The following TMEM106A variants were observed in gnomAD, a reference collection of about 807,000 sequenced individuals.
TMEM106A encodes transmembrane protein 106A.
Under a neutral mutation model 25.1 loss-of-function variants are expected in TMEM106A, and 22 were observed. That is an observed-to-expected ratio of 0.88 (90% CI 0.63 to 1.25). The LOEUF (loss-of-function observed/expected upper bound fraction) is 1.25. Ranked by LOEUF, TMEM106A falls within the 50% of genes most tolerant of loss-of-function variation. TMEM106A has a pLI of 0.00. For missense variants in TMEM106A, 275 were observed against 318.1 expected, an observed-to-expected ratio of 0.86 and a Z score of 1.03; for synonymous variants, 104 against 129.9, an observed-to-expected ratio of 0.80 and a Z score of 1.35.
In TMEM106A at chr17:43,217,294, A is replaced by G. The variant is rs774989880; in HGVS notation, c.650A>G (p.His217Arg). ...ACCTGGCTGGAAATCAAAGTCCACC[A>G]TGTGCTTTTGCACATCCAGTAAGTA... Reference protein sequence around the residue: ...ICTWLEIKVHHVLLHIQGTLT... With the variant: ...ICTWLEIKVHRVLLHIQGTLT... Residue 217 changes from histidine to arginine, a missense_variant, in exon 8 of 9, where the codon CAT becomes CGT. Transcript: ENST00000612339. The G allele has an allele frequency of 1.2e-5, 19 of 1,614,102 alleles. No homozygotes were observed. The highest frequency in any genetic ancestry group is 2.2e-5 in the East Asian group (1 of 44,890).
At position 43,218,597 on chromosome 17, in the gene TMEM106A, G is replaced by A. The variant is rs2057508371; in HGVS notation, c.*796G>A. 2 of 152,218 alleles carry A rather than the reference G, an allele frequency of 1.3e-5. 1 individual carries two copies. The highest frequency in any genetic ancestry group is 4.1e-4 in the South Asian group (2 of 4,834). The allele number at this position is 152,218 out of a possible 1,614,324, so 9.4% of individuals were successfully genotyped here. ...AATCACTTGAAACCGGAAGGCAGAG[G>A]TTGCAGTGAGCCAAGATCGTGCAAC... On this transcript the variant is annotated 3_prime_UTR_variant, in exon 9 of 9. Transcript: ENST00000612339.
rs745569366 is a variant in TMEM106A, at chr17:43,215,867, G to A, written c.355G>A (p.Val119Ile). The part of the protein sequence containing the change: ...FIVFFLFPRS[V>I]IVQPAGLNSS... ...CGTCTTTTTCCTGTTTCCCCGGTCC[G>A]TCATTGTGCAGCCTGCAGGCCTCAA... The change falls in exon 5 of 9, where the codon GTC becomes ATC. Residue 119 changes from valine to isoleucine, a missense_variant. Coordinates refer to ENST00000612339, the MANE Select transcript of TMEM106A (RefSeq NM_145041.4). 39 of 1,613,876 alleles carry A rather than the reference G, an allele frequency of 2.4e-5. No homozygotes were observed. The highest frequency in any genetic ancestry group is 9.9e-5 in the South Asian group (9 of 91,074).
intron 5 of TMEM106A, 46 bp from the exon 6 acceptor site, chr17:43,216,403 A>G (rs201122046): frequency 5.7e-4 from 915 of 1,602,020 alleles, no homozygotes; most frequent in Non-Finnish European, 7.4e-4. Context: ...GCTTTTCCTA[A>G]GGATGGGCCA....
rs748555827 is a variant in TMEM106A at position 43,216,406 on chromosome 17, A to T, written c.430-43A>T. On this transcript the variant is annotated intron_variant, in intron 5 of 8. Coordinates refer to ENST00000612339, the MANE Select transcript of TMEM106A (RefSeq NM_145041.4). ...TGCAACTGTTTGGCTTTTCCTAAGGATGGGCCATCTTCACTCCTCCCTTCC... is the reference window on the plus strand; with the variant it reads ...TGCAACTGTTTGGCTTTTCCTAAGGTTGGGCCATCTTCACTCCTCCCTTCC... 6 of 1,604,712 alleles carry T rather than the reference A, an allele frequency of 3.7e-6. No individual in the cohort carries two copies. In the South Asian group the frequency reaches 6.6e-5, roughly 18 times the overall value.
chr17:43,216,894 TC>T, intron 7 of TMEM106A, 154 bp downstream of exon 7: 1 of 952,494 alleles, frequency 1.0e-6, no homozygotes, highest in Non-Finnish European at 1.6e-6. Context: ...GGGTTCAGGG[TC>T]CCCAGCCTCT....
rs34209148 is a variant in TMEM106A, at chr17:43,217,379, C to T, written c.668+67C>T. 2.0e-3 allele frequency: 3,052 copies of T among 1,562,514 alleles called. 53 individuals are homozygous for T. In the African/African-American group the frequency reaches 0.036, roughly 18 times the overall value. ...TGACTTCATTCTCACTCAGCTACAC[C>T]TCATGGGCAGAGAGTCTTCCAAGCT... On this transcript the variant is annotated intron_variant, in intron 8 of 8. Transcript: ENST00000612339.
In TMEM106A at chr17:43,217,699, A is replaced by G. The variant is rs1197405528; in HGVS notation, c.687A>G (p.Ser229=). The change falls in exon 9 of 9, where the codon TCA becomes TCG. Residue 229 remains serine, a synonymous_variant. Transcript: ENST00000612339. ...LLHIQGTLTC[S]YLSHSEQLVF... The stretch of plus-strand genomic sequence containing the variant: ...TCTCCAGGGGCACCCTGACCTGTTC[A>G]TACCTGAGCCATTCAGAGCAGCTGG... 1 of 1,614,008 alleles carries G rather than the reference A, an allele frequency of 6.2e-7. No individual in the cohort carries two copies. Among genetic ancestry groups the G allele is most frequent in the Non-Finnish European group, 8.5e-7 (1 of 1,180,024 alleles).
At chr17:43,215,992 G>A in intron 5 of TMEM106A, 51 bp downstream of exon 5, 2 of 1,609,056 alleles carry the variant, frequency 1.2e-6, no homozygotes, top group Non-Finnish European at 8.5e-7. Context: ...ATACTTCGCT[G>A]TAACCTTTGT....
intron 2 of TMEM106A, among the ~76,000 whole-genome samples, chr17:43,212,651 T>C (rs954928433): frequency 3.0e-4 from 45 of 152,162 alleles, no homozygotes; most frequent in African/African-American, 1.0e-3. Flanking sequence ...ATTCAAAGAA[T>C]CTCTTTTCTG....
In TMEM106A at chr17:43,217,685, AC is replaced by A; in HGVS notation, c.676del (p.Leu226Ter). On this transcript the variant is annotated frameshift_variant, in exon 9 of 9. Transcript: ENST00000612339. LOFTEE classifies it high-confidence loss of function. ...CAAGGCCTGCTTCCTCTCCAGGGGC[AC>A]CCTGACCTGTTCATACCTGAGCCAT... ...VHHVLLHIQG[T>X]LTCSYLSHSE... is the part of the protein sequence containing the mutation. 6.2e-7 allele frequency: 1 copy of A among 1,614,026 alleles called. No homozygotes were observed. The highest frequency in any genetic ancestry group is 8.5e-7 in the Non-Finnish European group (1 of 1,179,990).
Position 43,215,862 on chromosome 17 carries a change from G to C in TMEM106A, c.350G>C (p.Arg117Pro), listed in dbSNP as rs751089393. The change falls in exon 5 of 9, where the codon CGG (arginine) becomes CCG (proline). Residue 117 changes from arginine (R) to proline (P), a missense_variant. Coordinates refer to ENST00000612339, the MANE Select transcript of TMEM106A (RefSeq NM_145041.4). ...TTCATCGTCTTTTTCCTGTTTCCCC[G>C]GTCCGTCATTGTGCAGCCTGCAGGC... ...SSFIVFFLFP[R>P]SVIVQPAGLN... 1.9e-6 allele frequency: 3 copies of C among 1,613,816 alleles called. No individual in the cohort carries two copies. Among genetic ancestry groups the C allele is most frequent in the East Asian group, 4.5e-5 (2 of 44,886 alleles).
At chr17:43,216,399 C>T (rs755735396) in intron 5 of TMEM106A, 50 bp from the exon 6 acceptor site, 4 of 1,601,420 alleles carry the variant, frequency 2.5e-6, no homozygotes, top group Middle Eastern at 1.7e-4. Context: ...TTTGGCTTTT[C>T]CTAAGGATGG....
At position 43,217,861 on chromosome 17, in the gene TMEM106A, C is replaced by G; in HGVS notation, c.*60C>G. On this transcript the variant is annotated 3_prime_UTR_variant, in exon 9 of 9. Transcript: ENST00000612339. Reference sequence around the variant, plus strand: ...ACCCTGGTCTATATCTCCCACAACTCCCTGGTGACTAAGGAAGGACTACAG... The same window carrying G: ...ACCCTGGTCTATATCTCCCACAACTGCCTGGTGACTAAGGAAGGACTACAG... 2 of 1,607,580 alleles carry G rather than the reference C, an allele frequency of 1.2e-6. No homozygotes were observed. The highest frequency in any genetic ancestry group is 1.7e-6 in the Non-Finnish European group (2 of 1,176,484).
chr17:43,212,964 T>C, intron 2 of TMEM106A, 57 bp from the exon 3 acceptor site: 1 of 1,441,388 alleles, frequency 6.9e-7, no homozygotes, highest in South Asian at 1.2e-5. Context: ...AAACCAAAAT[T>C]ACATCTGGCG....
At position 43,213,212 on chromosome 17, in the gene TMEM106A, G is replaced by A; in HGVS notation, c.171G>A (p.Val57=). 2 of 1,614,206 alleles carry A rather than the reference G, an allele frequency of 1.2e-6. No individual in the cohort carries two copies. Among genetic ancestry groups the A allele is most frequent in the Non-Finnish European group, 8.5e-7 (1 of 1,180,052 alleles). Residue 57 remains valine (V), a synonymous_variant, in exon 3 of 9, where the codon GTG becomes GTA. Transcript: ENST00000612339. ...AAGGAACTGCTGATGCCAGCTTCGT[G>A]ACTTGTCCCACCTGCCAGGGCAGTG... The part of the protein sequence containing the change: ...PCEGTADASF[V]TCPTCQGSGK...
intron 4 of TMEM106A, among the ~76,000 whole-genome samples, chr17:43,215,060 C>A (rs921631316): frequency 1.2e-4 from 18 of 151,438 alleles, no homozygotes; most frequent in African/African-American, 4.4e-4. Context: ...GCCTGACCAA[C>A]ATGGCAAAAC....
Position 43,217,739 on chromosome 17 carries a change from GA to G in TMEM106A, c.729del (p.Glu243AspfsTer15), listed in dbSNP as rs1013492332. Reference sequence around the variant, plus strand: ...AGAGCAGCTGGTCTTTCAGAGCTATGAATATGTGGACTGCCGAGGAAACGCA... The same window carrying G: ...AGAGCAGCTGGTCTTTCAGAGCTATGATATGTGGACTGCCGAGGAAACGCA... The part of the protein sequence containing the change: ...HSEQLVFQSY[E>X]YVDCRGNASV... On this transcript the variant is annotated frameshift_variant, in exon 9 of 9. Coordinates refer to ENST00000612339, the MANE Select transcript of TMEM106A (RefSeq NM_145041.4). LOFTEE classifies it low-confidence loss of function (END_TRUNC). 1 of 1,614,138 alleles carries G rather than the reference GA, an allele frequency of 6.2e-7. No homozygotes were observed. The highest frequency in any genetic ancestry group is 8.5e-7 in the Non-Finnish European group (1 of 1,180,030).
chr17:43,215,228 G>A (rs1018789672), intron 4 of TMEM106A, among the ~76,000 whole-genome samples: 29 of 151,838 alleles, frequency 1.9e-4, no homozygotes, highest in Non-Finnish European at 3.2e-4. Flanking sequence ...GGGCGACACA[G>A]CAAGACTCCA....
At chr17:43,216,907 C>A in intron 7 of TMEM106A, 167 bp downstream of exon 7, 1 of 835,434 alleles carries the variant, frequency 1.2e-6, no homozygotes, top group Non-Finnish European at 1.9e-6. Flanking sequence ...CCAGCCTCTG[C>A]TTGTTTGGAC....
Sources: allele counts gnomAD v4.1 joint callset (sites outside exome capture counted in the v4.1 genomes callset), GRCh38; gene constraint gnomAD v4.1.1; transcripts MANE v1.5; gene names NCBI Gene and HGNC (gene_info 2026-07-23, HGNC 2026-07-21).